CDH20: variants seen among roughly 807,000 people sequenced by gnomAD.
The protein encoded by CDH20 is cadherin 20.
In CDH20, 29 loss-of-function variants were observed where a neutral mutation model predicts 74.2. That is an observed-to-expected ratio of 0.39 (90% CI 0.29 to 0.53). CDH20 has a LOEUF of 0.53. CDH20 is among the 20% of genes least tolerant of loss of function. The probability of loss-of-function intolerance (pLI) is 0.69; values close to 1 mark genes in which losing one functional copy is unlikely to be tolerated. For missense variants in CDH20, 988 were observed against 1,048.3 expected, an observed-to-expected ratio of 0.94 and a Z score of 0.79; for synonymous variants, 469 against 405.4, an observed-to-expected ratio of 1.16 and a Z score of -1.88.
chr18:61,513,544 G>A (rs1053367896), intron 6 of CDH20, among the ~76,000 whole-genome samples: 16 of 148,030 alleles, frequency 1.1e-4, no homozygotes, highest in South Asian at 2.2e-4. Context: ...CTGCCATTAC[G>A]ATGTTAGCTG....
At chr18:61,454,113 A>G (rs1909493145) in intron 1 of CDH20, among the ~76,000 whole-genome samples, 1 of 152,046 alleles carries the variant, frequency 6.6e-6, no homozygotes, top group Admixed American at 6.6e-5. Flanking sequence ...TTCTTTGGTG[A>G]TACGTTTCTT....
intron 1 of CDH20, among the ~76,000 whole-genome samples, chr18:61,430,791 T>C (rs1475595924): frequency 1.3e-5 from 2 of 152,208 alleles, no homozygotes; most frequent in African/African-American, 4.8e-5. Flanking sequence ...TGCCATCATT[T>C]GTTTTTCAAG....
At chr18:61,525,155 T>G (rs931762265) in intron 6 of CDH20, among the ~76,000 whole-genome samples, 1 of 152,148 alleles carries the variant, frequency 6.6e-6, no homozygotes, top group Non-Finnish European at 1.5e-5. Flanking sequence ...GAAACAGCTC[T>G]ATAGCTTGAT....
chr18:61,384,638 C>A (rs184016949), intron 1 of CDH20, among the ~76,000 whole-genome samples: 1 of 152,256 alleles, frequency 6.6e-6, no homozygotes, highest in African/African-American at 2.4e-5. Flanking sequence ...TATTTCCTTA[C>A]AGAATCTACA....
intron 1 of CDH20, among the ~76,000 whole-genome samples, chr18:61,446,587 T>C (rs1216958227): frequency 4.6e-5 from 7 of 152,186 alleles, no homozygotes. Flanking sequence ...ATCTTTCTTT[T>C]CCACAATTTC....
intron 10 of CDH20, among the ~76,000 whole-genome samples, chr18:61,548,543 G>A (rs1011957368): frequency 7.2e-5 from 11 of 152,200 alleles, no homozygotes; most frequent in Non-Finnish European, 1.3e-4. Context: ...GCAGAGTGGA[G>A]GAAGAAAAGT....
rs376998303 is a variant in CDH20, at chr18:61,347,561, CACAAAA to C, written c.-153+13738_-153+13743del. Reference sequence around the variant, plus strand: ...AAACAAAAAAAAAACCACACACACACACAAAAACACAAAAACACAAAAACACATGCT... The same window carrying C: ...AAACAAAAAAAAAACCACACACACACACACAAAAACACAAAAACACATGCT... On this transcript the variant is annotated intron_variant, in intron 1 of 11. Transcript: ENST00000262717. Among the ~76,000 whole-genome samples the C allele has an allele frequency of 4.8e-3, 712 of 147,710 alleles. 5 individuals carry two copies. Among genetic ancestry groups the C allele is most frequent in the African/African-American group, 0.018 (674 of 38,386 alleles).
At chr18:61,379,814 T>C (rs960140225) in intron 1 of CDH20, among the ~76,000 whole-genome samples, 3 of 152,162 alleles carry the variant, frequency 2.0e-5, no homozygotes, top group Admixed American at 6.5e-5. Flanking sequence ...ACTATTACAA[T>C]TGAGAAACCT....
intron 1 of CDH20, among the ~76,000 whole-genome samples, chr18:61,396,609 A>T (rs1911988052): frequency 1.3e-5 from 2 of 152,216 alleles, no homozygotes; most frequent in Admixed American, 1.3e-4. Flanking sequence ...TAGAGTTTGT[A>T]ATCAACCCAG....
chr18:61,437,635 G>T (rs1908882713), intron 1 of CDH20, among the ~76,000 whole-genome samples: 1 of 152,098 alleles, frequency 6.6e-6, no homozygotes. Context: ...GAAGTTCTGG[G>T]TTAAGAATAG....
chr18:61,527,366 A>AATAGATAGATAGATAGATG (rs1555683340), intron 6 of CDH20, among the ~76,000 whole-genome samples: 4 of 142,054 alleles, frequency 2.8e-5, no homozygotes, highest in African/African-American at 1.0e-4. Flanking sequence ...TGAATATTCT[A>AATAGATAGATAGATAGATG]ATAGATAGAT....
Position 61,544,100 on chromosome 18 carries a change from C to T in CDH20, c.1531-927C>T, listed in dbSNP as rs899167516. Among the ~76,000 whole-genome samples, 12 of 152,224 alleles carry T rather than the reference C, an allele frequency of 7.9e-5. 2 individuals carry two copies. The highest frequency in any genetic ancestry group is 7.2e-4 in the Admixed American group (11 of 15,290). On this transcript the variant is annotated intron_variant, in intron 9 of 11. Transcript: ENST00000262717. ...CCAACCCTAAAGCAAAATTAAATCC[C>T]AAGGTGTGTGATGGCATGGAGACTG...
intron 9 of CDH20, among the ~76,000 whole-genome samples, chr18:61,541,781 T>G (rs1913048988): frequency 6.6e-6 from 1 of 152,234 alleles, no homozygotes; most frequent in African/African-American, 2.4e-5. Context: ...AGACACATGC[T>G]TCCCTCTTAG....
chr18:61,554,585 G>A lies in CDH20; in HGVS notation c.2296G>A (p.Ala766Thr), dbSNP rs767069951. ...GGGGTCGCTGAGCTCCCTGCAGTCG[G>A]CCACGTCGGACTCGGAACAGAGCTT... ...VAGSLSSLQSATSDSEQSFDF... is the reference protein window; with the variant it reads ...VAGSLSSLQSTTSDSEQSFDF... The change falls in exon 12 of 12, where the codon GCC becomes ACC. Residue 766 changes from alanine to threonine, a missense_variant. Ala to Thr is a moderately conservative substitution (Grantham distance 58, BLOSUM62 0). Around this residue, in one of 2 missense-constraint regions of CDH20, gnomAD observed 375 missense variants for 293.1 expected, o/e 1.28. Transcript: ENST00000262717. 6 of 1,608,690 alleles carry A rather than the reference G, an allele frequency of 3.7e-6. No homozygotes were observed. Among genetic ancestry groups the A allele is most frequent in the African/African-American group, 1.3e-5 (1 of 74,882 alleles).
At chr18:61,499,967 G>T (rs548527874) in intron 3 of CDH20, among the ~76,000 whole-genome samples, 215 of 151,778 alleles carry the variant, frequency 1.4e-3, no homozygotes, top group African/African-American at 4.9e-3. Context: ...AGCCTGGTGT[G>T]GTGGTGCGCA....
chr18:61,538,620 G>GTTTTTT (rs746315637), intron 8 of CDH20, among the ~76,000 whole-genome samples: 1 of 41,544 alleles, frequency 2.4e-5, no homozygotes, highest in African/African-American at 7.2e-5. Context: ...TTTTGTTTTT[G>GTTTTTT]TTTTGTTTTT....
At chr18:61,334,456 C>G (rs1909686110) in intron 1 of CDH20, 1 of 152,382 alleles carries the variant, frequency 6.6e-6, no homozygotes, top group Admixed American at 6.5e-5. Flanking sequence ...ATTTCCTGTC[C>G]TCGGGCCCTG....
At chr18:61,385,754 AC>A (rs1331615859) in intron 1 of CDH20, among the ~76,000 whole-genome samples, 1 of 151,932 alleles carries the variant, frequency 6.6e-6, no homozygotes, top group Non-Finnish European at 1.5e-5. Context: ...ACATGGTGAA[AC>A]CCCATCTCTA....
rs146344716 is a variant in CDH20 at position 61,446,365 on chromosome 18, T to C, written c.-152-44037T>C. ...TTTTCACTCTGGAGCTCTCCTTCTT[T>C]AACTGTTTCCTGTTCTCACCGCTCT... On this transcript the variant is annotated intron_variant, in intron 1 of 11. Transcript: ENST00000262717. Among the ~76,000 whole-genome samples, 234 of 152,222 alleles carry C rather than the reference T, an allele frequency of 1.5e-3. 1 individual carries two copies. Among genetic ancestry groups the C allele is most frequent in the African/African-American group, 5.3e-3 (222 of 41,530 alleles).
Sources: gnomAD v4.1 joint callset for allele counts (sites outside exome capture counted in the v4.1 genomes callset) on GRCh38, gnomAD v4.1.1 for gene constraint, gnomAD v4.1.1 regional missense constraint, MANE v1.5 for transcripts, NCBI Gene and HGNC (gene_info 2026-07-23, HGNC 2026-07-21) for gene names.